Variants in EPSTI1 observed in about 807,000 individuals in gnomAD.
EPSTI1 encodes the protein epithelial stromal interaction 1.
In EPSTI1, 66 loss-of-function variants were observed where a neutral mutation model predicts 49.9. That is an observed-to-expected ratio of 1.32 (90% confidence interval 1.08 to 1.62). EPSTI1 has a LOEUF of 1.62. Among genes scored for constraint, EPSTI1 ranks in the 40% most tolerant of loss-of-function variants. EPSTI1 has a pLI of 0.00. For missense variants in EPSTI1, 394 were observed against 365.5 expected (o/e 1.08, Z -0.64); for synonymous variants, 137 against 130.7 (o/e 1.05, Z -0.33).
chr13:42,890,767 G>C (rs763672120), intron 10 of EPSTI1, among the ~76,000 whole-genome samples: 78 of 151,886 alleles, frequency 5.1e-4, no homozygotes, highest in Non-Finnish European at 1.0e-3. Flanking sequence ...AATTCTTTTG[G>C]ATTTTCTACG....
At chr13:42,925,815 A>C (rs186322460) in intron 7 of EPSTI1, among the ~76,000 whole-genome samples, 1 of 152,372 alleles carries the variant, frequency 6.6e-6, no homozygotes, top group East Asian at 1.9e-4. Context: ...CCCAAGAAGC[A>C]TCTAACGCAC....
At chr13:42,963,659 T>G (rs1373224166) in intron 4 of EPSTI1, 2 of 324,498 alleles carry the variant, frequency 6.2e-6, no homozygotes, top group Non-Finnish European at 1.1e-5. Context: ...AAAATAATTT[T>G]TCCTGATTAC....
At chr13:42,921,251 A>C (rs894024785) in intron 7 of EPSTI1, among the ~76,000 whole-genome samples, 2 of 152,202 alleles carry the variant, frequency 1.3e-5, no homozygotes, top group African/African-American at 4.8e-5. Context: ...TTCAGGGGAA[A>C]CAGAGAAAAT....
At chr13:42,952,594 C>T (rs2039134180) in intron 6 of EPSTI1, among the ~76,000 whole-genome samples, 1 of 152,210 alleles carries the variant, frequency 6.6e-6, no homozygotes, top group Admixed American at 6.5e-5. Context: ...TAGCTTCCCA[C>T]CAGCTCCTCA....
intron 8 of EPSTI1, among the ~76,000 whole-genome samples, chr13:42,911,008 G>C (rs995523754): frequency 6.6e-6 from 1 of 152,098 alleles, no homozygotes; most frequent in African/African-American, 2.4e-5. Flanking sequence ...ATGTCTTTTT[G>C]TGTAACTAAA....
At chr13:42,909,736 T>C (rs2037609710) in intron 8 of EPSTI1, among the ~76,000 whole-genome samples, 3 of 152,018 alleles carry the variant, frequency 2.0e-5, no homozygotes, top group South Asian at 2.1e-4. Context: ...GCTGATCTCA[T>C]AGAAATAGAG....
intron 2 of EPSTI1, chr13:42,970,088 G>A (rs1418250724): frequency 6.6e-6 from 1 of 152,242 alleles, no homozygotes; most frequent in Non-Finnish European, 1.5e-5. Flanking sequence ...TAGTCATGAA[G>A]TTAAATTTCC....
intron 5 of EPSTI1, among the ~76,000 whole-genome samples, chr13:42,961,133 C>T (rs537992581): frequency 6.6e-6 from 1 of 152,228 alleles, no homozygotes; most frequent in East Asian, 1.9e-4. Flanking sequence ...TCTCCCTAGC[C>T]CTCTGAGGTT....
Position 42,954,037 on chromosome 13 carries a change from T to C in EPSTI1, c.490-16A>G, listed in dbSNP as rs2153428844. ...GTTTATTGCTCTGAAATTGCAAATATCAAAACATAACTTATTAAAGATGCT... is the reference window on the plus strand; with the variant it reads ...GTTTATTGCTCTGAAATTGCAAATACCAAAACATAACTTATTAAAGATGCT... On this transcript the variant is annotated splice_polypyrimidine_tract_variant and intron_variant, in intron 5 of 10. Transcript: ENST00000313624. 3.1e-6 allele frequency: 5 copies of C among 1,601,534 alleles called. No homozygotes were observed. Among genetic ancestry groups the C allele is most frequent in the East Asian group, 4.5e-5 (2 of 44,842 alleles).
chr13:42,932,360 T>A (rs1359905132), intron 6 of EPSTI1, among the ~76,000 whole-genome samples: 3 of 152,210 alleles, frequency 2.0e-5, no homozygotes, highest in Admixed American at 6.5e-5. Flanking sequence ...ACTAATTCTA[T>A]CCTGTCTTAC....
chr13:42,914,906 A>T (rs2037788092), intron 8 of EPSTI1, among the ~76,000 whole-genome samples: 1 of 152,220 alleles, frequency 6.6e-6, no homozygotes, highest in African/African-American at 2.4e-5. Context: ...AGAAGAAGGA[A>T]GTGAATCACA....
intron 9 of EPSTI1, 43 bp from the exon 10 acceptor site, chr13:42,895,151 C>T (rs772733783): frequency 8.1e-6 from 12 of 1,474,298 alleles, no homozygotes; most frequent in Non-Finnish European, 1.1e-5. Flanking sequence ...AAACTTGCTG[C>T]AGGGCTGAGA....
At chr13:42,936,793 A>C (rs2038579165) in intron 6 of EPSTI1, among the ~76,000 whole-genome samples, 1 of 151,904 alleles carries the variant, frequency 6.6e-6, no homozygotes, top group African/African-American at 2.4e-5. Flanking sequence ...TCAAACTTAA[A>C]CTCTTGATAT....
intron 3 of EPSTI1, among the ~76,000 whole-genome samples, 169 bp downstream of exon 3, chr13:42,968,922 ACAC>A (rs1555268573): frequency 1.5e-5 from 1 of 67,736 alleles, no homozygotes; most frequent in Non-Finnish European, 3.0e-5. Context: ...AAAAAAAAAT[ACAC>A]ACACACACAC....
At chr13:42,892,427 C>T (rs1325930372) in intron 10 of EPSTI1, among the ~76,000 whole-genome samples, 1 of 152,054 alleles carries the variant, frequency 6.6e-6, no homozygotes, top group Non-Finnish European at 1.5e-5. Flanking sequence ...TGGTGAGAAG[C>T]TGTTGGATTG....
At chr13:42,900,505 T>G in intron 8 of EPSTI1, 122 bp from the exon 9 acceptor site, 1 of 895,004 alleles carries the variant, frequency 1.1e-6, no homozygotes, top group Non-Finnish European at 1.7e-6. Flanking sequence ...AACTTTTACT[T>G]AAGTACTATT....
intron 1 of EPSTI1, among the ~76,000 whole-genome samples, chr13:42,983,520 C>T (rs187064899): frequency 4.9e-5 from 7 of 141,762 alleles, no homozygotes; most frequent in East Asian, 4.2e-4. Context: ...GCTGAGACCA[C>T]GCCATTGTAC....
At chr13:42,983,563 CAAAAAAAAAAAAAAAAA>C (rs56259281) in intron 1 of EPSTI1, among the ~76,000 whole-genome samples, 1 of 95,498 alleles carries the variant, frequency 1.0e-5, no homozygotes, top group Non-Finnish European at 1.9e-5. Context: ...GACTCCATCT[CAAAAAAAAAAAAAAAAA>C]AAAAAAAAAC....
rs560643741 is a variant in EPSTI1 at position 42,955,956 on chromosome 13, C to G, written c.490-1935G>C. ...ATTCAATCCCTATTCATATCAAATGCCTGTTATATGCTCGGTACCATGTTA... is the reference window on the plus strand; with the variant it reads ...ATTCAATCCCTATTCATATCAAATGGCTGTTATATGCTCGGTACCATGTTA... On this transcript the variant is annotated intron_variant, in intron 5 of 10. Transcript: ENST00000313624. Among the ~76,000 whole-genome samples the G allele has an allele frequency of 8.6e-5, 13 of 151,170 alleles. 1 individual carries two copies. The South Asian group carries it at 2.7e-3, about 31-fold the overall frequency.
Sources: gnomAD v4.1 joint callset for allele counts (sites outside exome capture counted in the v4.1 genomes callset) on GRCh38, gnomAD v4.1.1 for gene constraint, MANE v1.5 for transcripts, NCBI Gene and HGNC (gene_info 2026-07-23, HGNC 2026-07-21) for gene names.